Variants in EBF1 observed in about 807,000 individuals in gnomAD.
EBF1 encodes transcription factor COE1.
A neutral mutation model predicts 68.4 loss-of-function variants in EBF1; 10 were observed. The ratio of observed to expected loss-of-function variants is 0.15; its 90% CI spans 0.09 to 0.25. The LOEUF (loss-of-function observed/expected upper bound fraction) is 0.25. Ranked by LOEUF, EBF1 falls within the 10% of genes least tolerant of loss-of-function variation. The pLI is 1.00. For missense variants in EBF1, 509 were observed against 794.4 expected (o/e 0.64, Z 4.32); for synonymous variants, 298 against 299.8 (o/e 0.99, Z 0.06).
chr5:158,853,409 T>C (rs1441163956), intron 6 of EBF1, among the ~76,000 whole-genome samples: 4 of 152,204 alleles, frequency 2.6e-5, no homozygotes, highest in Non-Finnish European at 5.9e-5. Context: ...AAAAAAGAGA[T>C]GGAATTTCCA....
Position 158,994,492 on chromosome 5 carries a change from C to T in EBF1, c.554+78904G>A, listed in dbSNP as rs73816869. 3.8e-3 allele frequency among the ~76,000 whole-genome samples: 585 copies of T among 152,254 alleles called. 2 individuals carry two copies. The highest frequency in any genetic ancestry group is 0.013 in the African/African-American group (532 of 41,552). On this transcript the variant is annotated intron_variant, in intron 6 of 15. Transcript: ENST00000313708. ...ACATAAGCAAGAGTGACACAACCTG[C>T]GGAGCTGTCACCTGACATCATAATC...
At chr5:159,093,322 C>T (rs568652092) in intron 4 of EBF1, among the ~76,000 whole-genome samples, 3 of 152,226 alleles carry the variant, frequency 2.0e-5, no homozygotes, top group East Asian at 3.9e-4. Flanking sequence ...TGAAATATTC[C>T]TTTTCCTGAT....
chr5:158,981,168 A>G (rs1014373941), intron 6 of EBF1, among the ~76,000 whole-genome samples: 5 of 152,144 alleles, frequency 3.3e-5, no homozygotes, highest in Non-Finnish European at 5.9e-5. Context: ...AAAAAAAAAA[A>G]ACTGACTATA....
intron 6 of EBF1, among the ~76,000 whole-genome samples, chr5:158,940,411 T>G (rs1335541967): frequency 1.3e-5 from 2 of 152,192 alleles, no homozygotes; most frequent in Non-Finnish European, 2.9e-5. Flanking sequence ...CTAGGCCACT[T>G]AAATACATCC....
intron 6 of EBF1, among the ~76,000 whole-genome samples, chr5:158,996,788 G>A (rs571535461): frequency 3.3e-4 from 51 of 152,270 alleles, no homozygotes; most frequent in African/African-American, 9.6e-4. Context: ...CACATCTTAC[G>A]TGTCTAAATA....
intron 5 of EBF1, among the ~76,000 whole-genome samples, chr5:159,082,010 A>G (rs901381134): frequency 6.6e-6 from 1 of 152,196 alleles, no homozygotes; most frequent in Non-Finnish European, 1.5e-5. Flanking sequence ...TAATTATAAT[A>G]TGATCCAATG....
chr5:158,922,973 T>A (rs1808769738), intron 6 of EBF1, among the ~76,000 whole-genome samples: 1 of 152,266 alleles, frequency 6.6e-6, no homozygotes, highest in Non-Finnish European at 1.5e-5. Context: ...AGTAAGTGGC[T>A]AATTGCAGCC....
intron 6 of EBF1, among the ~76,000 whole-genome samples, chr5:159,005,800 T>C (rs1261939089): frequency 3.3e-5 from 5 of 152,178 alleles, no homozygotes; most frequent in Non-Finnish European, 5.9e-5. Context: ...TATGACTTAA[T>C]AAAAAATGTT....
chr5:158,939,478 G>A (rs1812776086), intron 6 of EBF1, among the ~76,000 whole-genome samples: 1 of 152,102 alleles, frequency 6.6e-6, no homozygotes, highest in African/African-American at 2.4e-5. Context: ...GAATAAGCAA[G>A]GGCAAGAAAA....
chr5:158,723,832 C>G (rs1762418394), intron 11 of EBF1, among the ~76,000 whole-genome samples: 1 of 152,124 alleles, frequency 6.6e-6, no homozygotes. Context: ...AGAATTACAA[C>G]TTTCATGGGG....
intron 10 of EBF1, among the ~76,000 whole-genome samples, chr5:158,742,120 C>G (rs905374431): frequency 6.6e-6 from 1 of 152,358 alleles, no homozygotes; most frequent in Non-Finnish European, 1.5e-5. Flanking sequence ...AAGGGCTCCT[C>G]AGAGCAGATC....
At chr5:158,700,822 GTAAGCCCTCA>G (rs1323584170) in intron 15 of EBF1, among the ~76,000 whole-genome samples, 1 of 152,128 alleles carries the variant, frequency 6.6e-6, no homozygotes, top group Non-Finnish European at 1.5e-5. Context: ...AGTCCTTTCT[GTAAGCCCTCA>G]TAAGCCTTTT....
intron 9 of EBF1, among the ~76,000 whole-genome samples, chr5:158,793,518 T>C (rs1779061609): frequency 6.6e-6 from 1 of 152,140 alleles, no homozygotes; most frequent in Admixed American, 6.6e-5. Flanking sequence ...CTGTCATTCT[T>C]CCCTCTCTCA....
intron 6 of EBF1, among the ~76,000 whole-genome samples, chr5:159,028,411 G>A (rs952156599): frequency 1.3e-4 from 20 of 152,178 alleles, no homozygotes; most frequent in African/African-American, 3.9e-4. Context: ...CGTACTAGAG[G>A]AGGAGATTGC....
intron 6 of EBF1, among the ~76,000 whole-genome samples, chr5:158,920,238 G>A (rs1490495020): frequency 6.6e-6 from 1 of 152,138 alleles, no homozygotes; most frequent in Non-Finnish European, 1.5e-5. Flanking sequence ...TATCATGATT[G>A]AGGTGAGGAT....
At chr5:158,877,212 G>A (rs536121066) in intron 6 of EBF1, among the ~76,000 whole-genome samples, 80 of 152,272 alleles carry the variant, frequency 5.3e-4, no homozygotes, top group South Asian at 3.1e-3. Context: ...CTGAATAACA[G>A]CCACTCTCTG....
At position 158,971,904 on chromosome 5, in the gene EBF1, AAAG is replaced by A. The variant is rs1303019320; in HGVS notation, c.554+101489_554+101491del. 2.6e-5 allele frequency among the ~76,000 whole-genome samples: 4 copies of A among 152,338 alleles called. No homozygotes were observed. The East Asian group carries it at 7.7e-4, about 29-fold the overall frequency. ...GAGATTAATATTAAAGATTCATACC[AAAG>A]ACTATAGCCCTAATGCTAGAAAGGG... On this transcript the variant is annotated intron_variant, in intron 6 of 15. Coordinates refer to ENST00000313708, the MANE Select transcript of EBF1 (RefSeq NM_024007.5).
At chr5:158,732,591 G>T (rs1764323947) in intron 10 of EBF1, among the ~76,000 whole-genome samples, 1 of 150,728 alleles carries the variant, frequency 6.6e-6, no homozygotes, top group African/African-American at 2.4e-5. Flanking sequence ...TTTTATGTAA[G>T]GAAAAAAAAA....
At chr5:158,723,044 C>T (rs1035723665) in intron 11 of EBF1, among the ~76,000 whole-genome samples, 4 of 152,140 alleles carry the variant, frequency 2.6e-5, no homozygotes, top group East Asian at 3.8e-4. Flanking sequence ...AAAAGGAACT[C>T]GAAAGAGTTC....
Sources: gnomAD v4.1 joint callset for allele counts (sites outside exome capture counted in the v4.1 genomes callset) on GRCh38, gnomAD v4.1.1 for gene constraint, MANE v1.5 for transcripts, NCBI Gene and HGNC (gene_info 2026-07-23, HGNC 2026-07-21) for gene names.